Variants in LRBA observed in about 807,000 individuals in gnomAD.
LRBA encodes the protein LPS responsive beige-like anchor protein.
In LRBA, 176 loss-of-function variants were observed where a neutral mutation model predicts 330.0. That is an observed-to-expected ratio of 0.53 (90% CI 0.47 to 0.60). LRBA has a LOEUF of 0.60. Ranked by LOEUF, LRBA falls within the 20% of genes least tolerant of loss-of-function variation. The pLI is 0.00. For synonymous variants in LRBA, 1,230 were observed against 1,193.0 expected (o/e 1.03, Z -0.64); for missense variants, 3,259 against 3,444.8 (o/e 0.95, Z 1.35).
At chr4:150,631,283 A>G (rs1303625714) in intron 37 of LRBA, among the ~76,000 whole-genome samples, 1 of 152,068 alleles carries the variant, frequency 6.6e-6, no homozygotes, top group African/African-American at 2.4e-5. Flanking sequence ...AACTAGTAAC[A>G]TTAAGTTGCT....
chr4:150,826,655 TC>T (rs1746328772), intron 30 of LRBA, among the ~76,000 whole-genome samples: 2 of 152,158 alleles, frequency 1.3e-5, no homozygotes, highest in African/African-American at 4.8e-5. Flanking sequence ...TGGACAATGC[TC>T]CTGACCACCC....
At chr4:150,881,761 C>T (rs187979553) in intron 17 of LRBA, among the ~76,000 whole-genome samples, 160 of 152,304 alleles carry the variant, frequency 1.1e-3, no homozygotes, top group Admixed American at 2.2e-3. Flanking sequence ...ACTATCCTTG[C>T]TATAGCTTAA....
rs548210526 is a variant in LRBA, at chr4:150,295,288, A to G, written c.8017+7337T>C. Among the ~76,000 whole-genome samples the G allele has an allele frequency of 4.9e-5, 7 of 143,708 alleles. No individual in the cohort carries two copies. In the South Asian group the frequency reaches 1.5e-3, roughly 31 times the overall value. 94.3% of individuals were successfully genotyped at this position (143,708 alleles called of 152,430 possible). A position where few individuals can be genotyped will look rare whatever the true frequency, so the allele number is the denominator to read the frequency against. Reference sequence around the variant, plus strand: ...GCAACCACAGATCACTGCAGCCTTGACCTCCCTGGGCTAAGGTGGTCCTCC... The same window carrying G: ...GCAACCACAGATCACTGCAGCCTTGGCCTCCCTGGGCTAAGGTGGTCCTCC... On this transcript the variant is annotated intron_variant, in intron 53 of 56. Transcript: ENST00000651943.
chr4:150,329,345 C>T lies in LRBA; in HGVS notation c.7363-3447G>A, dbSNP rs79465557. 6.8e-3 allele frequency among the ~76,000 whole-genome samples: 1,034 copies of T among 152,266 alleles called. 10 individuals carry two copies. Among genetic ancestry groups the T allele is most frequent in the African/African-American group, 0.024 (982 of 41,544 alleles). ...CTATGATCTCAAAACTTTATAGTCA[C>T]ACTGTATATCATCAACTGATAATTC... On this transcript the variant is annotated intron_variant, in intron 48 of 56. Coordinates refer to ENST00000651943, the MANE Select transcript of LRBA (RefSeq NM_001364905.1).
At chr4:150,690,968 C>T (rs1271437408) in intron 36 of LRBA, among the ~76,000 whole-genome samples, 3 of 144,022 alleles carry the variant, frequency 2.1e-5, no homozygotes, top group Admixed American at 7.2e-5. Context: ...CTCGCTCTGT[C>T]GCCCAGGCTG....
At chr4:150,774,442 G>A (rs1012936014) in intron 34 of LRBA, among the ~76,000 whole-genome samples, 3 of 151,872 alleles carry the variant, frequency 2.0e-5, no homozygotes, top group African/African-American at 2.4e-5. Flanking sequence ...TTTCCCTCTC[G>A]ATGTTAAAAT....
At chr4:150,554,102 T>C (rs1766979427) in intron 40 of LRBA, among the ~76,000 whole-genome samples, 2 of 152,318 alleles carry the variant, frequency 1.3e-5, no homozygotes, top group South Asian at 4.1e-4. Context: ...GAGTTTCTTG[T>C]GGGATTTCTA....
At chr4:150,685,492 G>A (rs1460315533) in intron 36 of LRBA, among the ~76,000 whole-genome samples, 4 of 127,404 alleles carry the variant, frequency 3.1e-5, no homozygotes, top group South Asian at 2.7e-4. Context: ...GTGCAGTGGC[G>A]TGATCTTCTT....
intron 38 of LRBA, among the ~76,000 whole-genome samples, 193 bp from the exon 39 acceptor site, chr4:150,591,052 T>A (rs1772764682): frequency 6.6e-6 from 1 of 152,160 alleles, no homozygotes; most frequent in African/African-American, 2.4e-5. Context: ...CCTAGTCTAA[T>A]GTTACCCTAA....
intron 47 of LRBA, among the ~76,000 whole-genome samples, chr4:150,390,451 A>C (rs1446178592): frequency 6.6e-6 from 1 of 152,162 alleles, no homozygotes; most frequent in Admixed American, 6.6e-5. Flanking sequence ...AGAAGTCTAC[A>C]GCAATCTCAT....
rs148945418 is a variant in LRBA at position 150,338,589 on chromosome 4, T to C, written c.7362+11403A>G. 2.6e-3 allele frequency among the ~76,000 whole-genome samples: 392 copies of C among 152,274 alleles called. 7 individuals are homozygous for C. Among genetic ancestry groups the C allele is most frequent in the African/African-American group, 9.1e-3 (380 of 41,554 alleles). ...CTTATACAACAACTGCTCCAGCCTC[T>C]GCTGTGTTTGTACTTTTCCTTTGAT... is the stretch of plus-strand genomic sequence containing the variant. On this transcript the variant is annotated intron_variant, in intron 48 of 56. Transcript: ENST00000651943.
intron 36 of LRBA, among the ~76,000 whole-genome samples, chr4:150,721,757 G>A (rs1310713308): frequency 1.3e-5 from 2 of 152,078 alleles, no homozygotes; most frequent in East Asian, 1.9e-4. Flanking sequence ...TGGGACTACA[G>A]GCATGTGCTA....
At chr4:150,542,572 G>T (rs1447805000) in intron 40 of LRBA, among the ~76,000 whole-genome samples, 1 of 151,986 alleles carries the variant, frequency 6.6e-6, no homozygotes, top group African/African-American at 2.4e-5. Flanking sequence ...TATTAAACAT[G>T]ATTTTACCAC....
intron 37 of LRBA, among the ~76,000 whole-genome samples, chr4:150,671,026 G>GTGTGTT: frequency 6.8e-6 from 1 of 147,792 alleles, no homozygotes; most frequent in South Asian, 2.2e-4. Flanking sequence ...GTGTGTGTGT[G>GTGTGTT]TGTGTGTGTG....
chr4:150,353,901 T>C (rs1366348317), intron 47 of LRBA, among the ~76,000 whole-genome samples: 1 of 152,176 alleles, frequency 6.6e-6, no homozygotes, highest in Non-Finnish European at 1.5e-5. Flanking sequence ...TGTCTTGCAA[T>C]ATACCAAAGC....
chr4:150,298,866 C>A (rs1729296342), intron 53 of LRBA, among the ~76,000 whole-genome samples: 1 of 151,970 alleles, frequency 6.6e-6, no homozygotes, highest in African/African-American at 2.4e-5. Context: ...CAGTTAGCAA[C>A]CATTTGCTTC....
intron 51 of LRBA, among the ~76,000 whole-genome samples, chr4:150,311,807 C>A (rs1731106457): frequency 6.6e-6 from 1 of 152,266 alleles, no homozygotes; most frequent in South Asian, 2.1e-4. Context: ...AAGTTGCTGG[C>A]AGATAATAAA....
At position 150,321,382 on chromosome 4, in the gene LRBA, T is replaced by C. The variant is rs1732496252; in HGVS notation, c.7453-14A>G. 1.3e-6 allele frequency: 2 copies of C among 1,562,934 alleles called. No individual in the cohort carries two copies. The highest frequency in any genetic ancestry group is 2.4e-5 in the East Asian group (1 of 41,940). On this transcript the variant is annotated splice_polypyrimidine_tract_variant and intron_variant, in intron 49 of 56. Coordinates refer to ENST00000651943, the MANE Select transcript of LRBA (RefSeq NM_001364905.1). This position sits in a 1 kb window ranked among gnomAD's most constrained non-coding sequence, Gnocchi z 4.5. ...CATCAATGGACTCTGCAGGAGGAGATACTGTTGAGTGGGCATGACAAGACC... is the reference window on the plus strand; with the variant it reads ...CATCAATGGACTCTGCAGGAGGAGACACTGTTGAGTGGGCATGACAAGACC...
At chr4:151,011,200 A>G (rs1744804354) in intron 2 of LRBA, among the ~76,000 whole-genome samples, 1 of 151,560 alleles carries the variant, frequency 6.6e-6, no homozygotes, top group East Asian at 1.9e-4. Context: ...AAAAAAAAAG[A>G]GAAAAAACTC....
Sources: allele counts gnomAD v4.1 joint callset (sites outside exome capture counted in the v4.1 genomes callset), GRCh38; gene constraint gnomAD v4.1.1; non-coding constraint Gnocchi (gnomAD v3.1); transcripts MANE v1.5; gene names NCBI Gene and HGNC (gene_info 2026-07-23, HGNC 2026-07-21).